The following RBM33 variants were observed in gnomAD, a reference collection of about 807,000 sequenced individuals.
The protein encoded by RBM33 is RNA binding motif protein 33.
RBM33 carries 28 observed loss-of-function variants against 132.6 expected under a neutral mutation model. The ratio of observed to expected loss-of-function variants is 0.21; its 90% CI spans 0.16 to 0.29. The LOEUF is 0.29. Among genes scored for constraint, RBM33 ranks in the 10% least tolerant of loss-of-function variants. RBM33 has a pLI of 1.00. For synonymous variants in RBM33, 634 were observed against 593.0 expected (o/e 1.07, Z -1.01); for missense variants, 1,291 against 1,518.5 (o/e 0.85, Z 2.49).
At chr7:155,662,068 A>G (rs1342484323) in intron 1 of RBM33, among the ~76,000 whole-genome samples, 1 of 152,024 alleles carries the variant, frequency 6.6e-6, no homozygotes, top group Non-Finnish European at 1.5e-5. Context: ...GGTTATTTTA[A>G]TGAAGTGTTC....
chr7:155,773,635 C>CTAAGTTGACTGTGTCCTGAGGTAATTG lies in RBM33; in HGVS notation c.3376-923_3376-897dup, dbSNP rs543404633. Among the ~76,000 whole-genome samples, 188 of 140,830 alleles carry CTAAGTTGACTGTGTCCTGAGGTAATTG rather than the reference C, an allele frequency of 1.3e-3. 4 individuals carry two copies. The highest frequency in any genetic ancestry group is 4.8e-3 in the African/African-American group (179 of 37,634). The allele number at this position is 140,830 out of a possible 152,430, so 92.4% of individuals were successfully genotyped here. A position where few individuals can be genotyped will look rare whatever the true frequency, so the allele number is the denominator to read the frequency against. On this transcript the variant is annotated intron_variant, in intron 16 of 17. Coordinates refer to ENST00000401878, the MANE Select transcript of RBM33 (RefSeq NM_053043.3). ...CTGTGCGTGCTCCAGACAGCAGGTA[C>CTAAGTTGACTGTGTCCTGAGGTAATTG]TAAGTTGACTGTGTCCTGAGGTAAT... is the stretch of plus-strand genomic sequence containing the variant.
At chr7:155,699,141 A>G (rs1274705669) in intron 5 of RBM33, among the ~76,000 whole-genome samples, 1 of 152,142 alleles carries the variant, frequency 6.6e-6, no homozygotes, top group Non-Finnish European at 1.5e-5. Flanking sequence ...AAGTCTTTGA[A>G]CTGTGCTTAC....
At chr7:155,751,754 C>T (rs889272646) in intron 14 of RBM33, among the ~76,000 whole-genome samples, 1 of 151,890 alleles carries the variant, frequency 6.6e-6, no homozygotes, top group African/African-American at 2.4e-5. Flanking sequence ...TGCCAAGTCT[C>T]TCCTCTGTAA....
At chr7:155,767,645 A>G (rs1230067107) in intron 16 of RBM33, among the ~76,000 whole-genome samples, 2 of 152,200 alleles carry the variant, frequency 1.3e-5, no homozygotes, top group Non-Finnish European at 2.9e-5. Flanking sequence ...AATTGCTGCC[A>G]TCTTCATTAC....
chr7:155,768,567 C>T (rs1802299086), intron 16 of RBM33, among the ~76,000 whole-genome samples: 1 of 152,202 alleles, frequency 6.6e-6, no homozygotes, highest in South Asian at 2.1e-4. Flanking sequence ...GACCTATATT[C>T]ATTCCTTTGG....
chr7:155,645,212 C>T, intron 1 of RBM33: 3 of 350,612 alleles, frequency 8.6e-6, no homozygotes, highest in Admixed American at 9.9e-5. Context: ...CATTAAGTGC[C>T]GAAGCCGGCC....
Position 155,766,502 on chromosome 7 carries a change from T to C in RBM33, c.3222T>C (p.Gly1074=). 1 of 1,613,684 alleles carries C rather than the reference T, an allele frequency of 6.2e-7. No homozygotes were observed. The highest frequency in any genetic ancestry group is 8.5e-7 in the Non-Finnish European group (1 of 1,179,816). Residue 1074 remains glycine (G), a synonymous_variant, in exon 16 of 18, where the codon GGT becomes GGC. Coordinates refer to ENST00000401878, the MANE Select transcript of RBM33 (RefSeq NM_053043.3). ...IMHGRGRGVA[G]PMGRGRLMPN... Reference sequence around the variant, plus strand: ...ACGGACGAGGCAGAGGAGTGGCCGGTCCCATGGGCCGGGGGCGCCTGATGC... The same window carrying C: ...ACGGACGAGGCAGAGGAGTGGCCGGCCCCATGGGCCGGGGGCGCCTGATGC...
chr7:155,771,508 C>A (rs944814780), intron 16 of RBM33, among the ~76,000 whole-genome samples: 6 of 152,286 alleles, frequency 3.9e-5, no homozygotes, highest in Middle Eastern at 3.4e-3. Context: ...TGAAGAATCT[C>A]ACTGGAAGTT....
chr7:155,665,103 T>A, intron 1 of RBM33, 72 bp from the exon 2 acceptor site: 2 of 1,304,188 alleles, frequency 1.5e-6, no homozygotes, highest in Non-Finnish European at 2.2e-6. Context: ...AAAAGTTGTT[T>A]TAGTGTTTGA....
chr7:155,661,408 T>C (rs1256815942), intron 1 of RBM33, among the ~76,000 whole-genome samples: 3 of 147,836 alleles, frequency 2.0e-5, no homozygotes, highest in African/African-American at 7.7e-5. Flanking sequence ...TTTCTTTCTT[T>C]TTTTTTCTTT....
chr7:155,714,186 G>T (rs554200325), intron 8 of RBM33, among the ~76,000 whole-genome samples: 7 of 152,188 alleles, frequency 4.6e-5, no homozygotes, highest in Non-Finnish European at 1.0e-4. Context: ...GCTCATCTGC[G>T]CACACTAGGT....
chr7:155,774,685 C>A lies in RBM33; in HGVS notation c.3464+38C>A. ...TTCTGTGCTTGTGGTGATAAGGGGG[C>A]GGGAGCAAGGCCCTCCTTCCTGTGC... is the stretch of plus-strand genomic sequence containing the variant. On this transcript the variant is annotated intron_variant, in intron 17 of 17. Coordinates refer to ENST00000401878, the MANE Select transcript of RBM33 (RefSeq NM_053043.3). The surrounding 1 kb of genome is among the most constrained non-coding windows in gnomAD (Gnocchi z 4.2). The A allele has an allele frequency of 6.6e-7, 1 of 1,524,204 alleles. No homozygotes were observed. Among genetic ancestry groups the A allele is most frequent in the Non-Finnish European group, 9.1e-7 (1 of 1,098,164 alleles). 94.4% of individuals were successfully genotyped at this position (1,524,204 alleles called of 1,614,324 possible).
chr7:155,673,310 A>G (rs1265136011), intron 3 of RBM33, among the ~76,000 whole-genome samples: 1 of 152,110 alleles, frequency 6.6e-6, no homozygotes, highest in East Asian at 1.9e-4. Flanking sequence ...CAAATATAAT[A>G]AACATTAAAA....
chr7:155,746,753 C>T (rs1801530142), intron 14 of RBM33: 1 of 152,154 alleles, frequency 6.6e-6, no homozygotes, highest in South Asian at 2.1e-4. Flanking sequence ...TATAACAGTG[C>T]TATTCATTGT....
intron 9 of RBM33, among the ~76,000 whole-genome samples, chr7:155,719,937 T>C (rs1446252424): frequency 6.6e-6 from 1 of 152,230 alleles, no homozygotes; most frequent in Non-Finnish European, 1.5e-5. Flanking sequence ...GCAATTTTTA[T>C]TTCATTTTTC....
At chr7:155,770,172 G>A (rs1309070038) in intron 16 of RBM33, among the ~76,000 whole-genome samples, 1 of 152,228 alleles carries the variant, frequency 6.6e-6, no homozygotes, top group African/African-American at 2.4e-5. Flanking sequence ...GCCAGAATTG[G>A]TGTCCAGGAA....
At chr7:155,741,226 C>A (rs573145308) in intron 12 of RBM33, among the ~76,000 whole-genome samples, 2 of 151,836 alleles carry the variant, frequency 1.3e-5, no homozygotes, top group African/African-American at 2.4e-5. Flanking sequence ...CTTCCCCCCT[C>A]CCCCCTTCCA....
At chr7:155,767,564 A>G (rs1409506509) in intron 16 of RBM33, among the ~76,000 whole-genome samples, 1 of 152,264 alleles carries the variant, frequency 6.6e-6, no homozygotes, top group African/African-American at 2.4e-5. Context: ...TTAGATCTCC[A>G]TCTGCTGTTG....
chr7:155,728,515 A>G (rs954311360), intron 9 of RBM33, among the ~76,000 whole-genome samples: 5 of 152,052 alleles, frequency 3.3e-5, no homozygotes, highest in Admixed American at 1.3e-4. Flanking sequence ...CCCTGAGTAA[A>G]CGGTTTCTTT....
Sources: allele counts gnomAD v4.1 joint callset (sites outside exome capture counted in the v4.1 genomes callset), GRCh38; gene constraint gnomAD v4.1.1; non-coding constraint Gnocchi (gnomAD v3.1); transcripts MANE v1.5; gene names NCBI Gene and HGNC (gene_info 2026-07-23, HGNC 2026-07-21).